The following SCAI variants were observed in gnomAD, a reference collection of about 807,000 sequenced individuals.
The protein encoded by SCAI is suppressor of cancer cell invasion, also known as protein SCAI.
A neutral mutation model predicts 92.2 loss-of-function variants in SCAI; 24 were observed. That is an observed-to-expected ratio of 0.26 (90% CI 0.19 to 0.37). The LOEUF is 0.37. SCAI is among the 10% of genes least tolerant of loss of function. The pLI is 1.00. For missense variants in SCAI, 450 were observed against 736.2 expected, an observed-to-expected ratio of 0.61 and a Z score of 4.50; for synonymous variants, 261 against 258.6, an observed-to-expected ratio of 1.01 and a Z score of -0.09.
chr9:125,028,628 TA>T (rs1289405749), intron 4 of SCAI, 150 bp from the exon 5 acceptor site: 6 of 452,408 alleles, frequency 1.3e-5, no homozygotes, highest in Non-Finnish European at 2.3e-5. Flanking sequence ...CCATTAAATT[TA>T]AAAAGCATTT....
intron 2 of SCAI, among the ~76,000 whole-genome samples, chr9:125,116,292 G>A (rs559336436): frequency 3.3e-5 from 5 of 152,200 alleles, no homozygotes; most frequent in Admixed American, 3.3e-4. Context: ...CAAAGAATTT[G>A]TTGAACATCT....
chr9:124,992,179 A>T (rs953231075), intron 14 of SCAI, among the ~76,000 whole-genome samples: 3 of 152,158 alleles, frequency 2.0e-5, no homozygotes, highest in Admixed American at 6.5e-5. Flanking sequence ...TGGCCTCCCA[A>T]AGTGCTGGGA....
intron 2 of SCAI, among the ~76,000 whole-genome samples, chr9:125,127,930 C>T (rs967093322): frequency 2.0e-5 from 3 of 151,960 alleles, no homozygotes; most frequent in African/African-American, 7.3e-5. Flanking sequence ...ATTGCTTGAA[C>T]CCAGGAGGTG....
At chr9:125,094,234 C>T (rs1834500451) in intron 2 of SCAI, among the ~76,000 whole-genome samples, 1 of 152,156 alleles carries the variant, frequency 6.6e-6, no homozygotes, top group Non-Finnish European at 1.5e-5. Context: ...GATCTGATCA[C>T]CACTATTATA....
chr9:125,131,178 G>C (rs1835392325), intron 2 of SCAI, among the ~76,000 whole-genome samples: 1 of 151,398 alleles, frequency 6.6e-6, no homozygotes, highest in African/African-American at 2.4e-5. Context: ...GGCCGAGGCG[G>C]GTGGATCACC....
chr9:124,963,067 G>A (rs1436887489), intron 17 of SCAI, among the ~76,000 whole-genome samples: 2 of 151,400 alleles, frequency 1.3e-5, no homozygotes, highest in Non-Finnish European at 2.9e-5. Context: ...CCATAGTGCT[G>A]GGATTACAGG....
chr9:125,076,793 A>T (rs1834100343), intron 2 of SCAI, among the ~76,000 whole-genome samples: 1 of 151,730 alleles, frequency 6.6e-6, no homozygotes, highest in Non-Finnish European at 1.5e-5. Flanking sequence ...TCTGCCTCCC[A>T]GTTTCTAGCA....
intron 3 of SCAI, among the ~76,000 whole-genome samples, chr9:125,037,272 T>TAA (rs35842767): frequency 7.0e-6 from 1 of 142,424 alleles, no homozygotes; most frequent in African/African-American, 2.6e-5. Context: ...CTTTGTCGAT[T>TAA]AAAAAAAAAA....
At chr9:125,111,256 G>T (rs1834923513) in intron 2 of SCAI, among the ~76,000 whole-genome samples, 2 of 151,476 alleles carry the variant, frequency 1.3e-5, no homozygotes, top group Admixed American at 6.6e-5. Flanking sequence ...AGGAAAAAAA[G>T]AGAAAGAAAA....
At chr9:125,064,802 T>C (rs1051799621) in intron 2 of SCAI, among the ~76,000 whole-genome samples, 2 of 152,242 alleles carry the variant, frequency 1.3e-5, no homozygotes, top group East Asian at 1.9e-4. Context: ...GCCAAGATCG[T>C]GCCACTGCAT....
At chr9:125,001,777 T>C (rs145745955) in intron 12 of SCAI, among the ~76,000 whole-genome samples, 188 bp downstream of exon 12, 65 of 152,322 alleles carry the variant, frequency 4.3e-4, no homozygotes, top group African/African-American at 1.5e-3. Flanking sequence ...GGCTTTGACA[T>C]ATAACATTTC....
chr9:124,996,587 G>C (rs554480693), intron 13 of SCAI, among the ~76,000 whole-genome samples: 249 of 152,122 alleles, frequency 1.6e-3, no homozygotes, highest in African/African-American at 5.7e-3. Context: ...ACGGGAATGA[G>C]CCACCATGCT....
At chr9:125,123,706 C>T (rs1835206206) in intron 2 of SCAI, among the ~76,000 whole-genome samples, 1 of 152,086 alleles carries the variant, frequency 6.6e-6, no homozygotes, top group African/African-American at 2.4e-5. Context: ...ACCCGAGAGG[C>T]AGAGGTTGCA....
intron 3 of SCAI, among the ~76,000 whole-genome samples, chr9:125,036,194 A>T (rs1833193103): frequency 6.6e-6 from 1 of 152,176 alleles, no homozygotes; most frequent in African/African-American, 2.4e-5. Flanking sequence ...AAAACCGAGA[A>T]GAGTGGTAAC....
chr9:124,953,229 G>A (rs564526608), intron 17 of SCAI, among the ~76,000 whole-genome samples: 10 of 152,256 alleles, frequency 6.6e-5, no homozygotes, highest in East Asian at 1.9e-4. Context: ...TCTGTATCAC[G>A]TGGAAACCAT....
At position 125,129,277 on chromosome 9, in the gene SCAI, C is replaced by T. The variant is rs180735658; in HGVS notation, c.98+13356G>A. On this transcript the variant is annotated intron_variant, in intron 2 of 17. Transcript: ENST00000336505. ...TTAACATGGTGAAACCCCGTCTCTACTAAAAATACAAAAGTTAGCCAGGAG... is the reference window on the plus strand; with the variant it reads ...TTAACATGGTGAAACCCCGTCTCTATTAAAAATACAAAAGTTAGCCAGGAG... Among the ~76,000 whole-genome samples, 6 of 150,554 alleles carry T rather than the reference C, an allele frequency of 4.0e-5. No individual in the cohort carries two copies. The East Asian group carries it at 1.2e-3, about 31-fold the overall frequency.
At chr9:125,115,188 C>T (rs1003582286) in intron 2 of SCAI, among the ~76,000 whole-genome samples, 9 of 151,630 alleles carry the variant, frequency 5.9e-5, no homozygotes, top group Non-Finnish European at 1.2e-4. Context: ...CTGGCTAACA[C>T]GATGAAACCC....
At chr9:125,022,799 T>C in intron 6 of SCAI, among the ~76,000 whole-genome samples, 1 of 152,208 alleles carries the variant, frequency 6.6e-6, no homozygotes, top group East Asian at 1.9e-4. Context: ...CAGGGAAGTT[T>C]AGATCATTTT....
chr9:125,060,730 T>C (rs995578507), intron 2 of SCAI, among the ~76,000 whole-genome samples: 1 of 152,200 alleles, frequency 6.6e-6, no homozygotes, highest in Non-Finnish European at 1.5e-5. Context: ...AGAAGCACCT[T>C]TCGCCTCCTA....
Sources: gnomAD v4.1 joint callset for allele counts (sites outside exome capture counted in the v4.1 genomes callset) on GRCh38, gnomAD v4.1.1 for gene constraint, MANE v1.5 for transcripts, NCBI Gene and HGNC (gene_info 2026-07-23, HGNC 2026-07-21) for gene names.